Variants in ITPKB observed in about 807,000 individuals in gnomAD.
ITPKB encodes the protein inositol-trisphosphate 3-kinase B.
ITPKB carries 13 observed loss-of-function variants against 69.4 expected under a neutral mutation model. The ratio of observed to expected loss-of-function variants is 0.19; its 90% confidence interval spans 0.12 to 0.30. The LOEUF is 0.30. ITPKB is among the 10% of genes least tolerant of loss of function. The probability of loss-of-function intolerance (pLI) is 1.00; values close to 1 mark genes in which losing one functional copy is unlikely to be tolerated. For missense variants in ITPKB, 1,240 were observed against 1,250.5 expected (o/e 0.99, Z 0.13); for synonymous variants, 584 against 513.7 (o/e 1.14, Z -1.85).
At chr1:226,650,126 C>T (rs1305060926) in intron 2 of ITPKB, among the ~76,000 whole-genome samples, 3 of 152,350 alleles carry the variant, frequency 2.0e-5, no homozygotes, top group South Asian at 2.1e-4. Flanking sequence ...TGCCCCGAAG[C>T]GCCCAGCTGC....
At position 226,736,004 on chromosome 1, in the gene ITPKB, C is replaced by T. The variant is rs146213841; in HGVS notation, c.1455G>A (p.Ala485=). ...GGCACTGAGGTTCTTTCAGATCTTT[C>T]GCAGCGTCCCAACAGGGCAAAGGCT... ...MLEPLPCWDA[A]KDLKEPQCPP... is the part of the protein sequence containing the mutation. Residue 485 remains alanine (A), a synonymous_variant, in exon 2 of 8, where the codon GCG becomes GCA. Transcript: ENST00000429204. 74 of 1,613,760 alleles carry T rather than the reference C, an allele frequency of 4.6e-5. No individual in the cohort carries two copies. The African/African-American group carries it at 8.3e-4, about 18-fold the overall frequency.
At chr1:226,635,778 G>C (rs917619878) in intron 7 of ITPKB, among the ~76,000 whole-genome samples, 5 of 152,256 alleles carry the variant, frequency 3.3e-5, no homozygotes, top group African/African-American at 1.2e-4. Flanking sequence ...GCCTGGCCCA[G>C]GGATAGTGGG....
chr1:226,640,949 C>T (rs965924129), intron 5 of ITPKB, among the ~76,000 whole-genome samples: 1 of 152,182 alleles, frequency 6.6e-6, no homozygotes, highest in African/African-American at 2.4e-5. Context: ...TCAGGACCAT[C>T]GGCTGCCCAA....
chr1:226,678,627 TG>T (rs1655980638), intron 2 of ITPKB, among the ~76,000 whole-genome samples: 1 of 152,070 alleles, frequency 6.6e-6, no homozygotes. Flanking sequence ...AAATGTAAAG[TG>T]TCTAGCACTA....
At chr1:226,684,757 T>C (rs1234357887) in intron 2 of ITPKB, among the ~76,000 whole-genome samples, 1 of 152,168 alleles carries the variant, frequency 6.6e-6, no homozygotes, top group Non-Finnish European at 1.5e-5. Flanking sequence ...GGTTAAGCAG[T>C]CACTCATATA....
chr1:226,680,709 A>G (rs1656065317), intron 2 of ITPKB, among the ~76,000 whole-genome samples: 1 of 152,222 alleles, frequency 6.6e-6, no homozygotes, highest in African/African-American at 2.4e-5. Flanking sequence ...AACTCAGGAA[A>G]GTCAGATCGA....
chr1:226,728,792 G>C (rs1248051991), intron 2 of ITPKB, among the ~76,000 whole-genome samples: 3 of 152,060 alleles, frequency 2.0e-5, no homozygotes, highest in Non-Finnish European at 4.4e-5. Context: ...ATTTTTCAGA[G>C]AGCTTGCTAG....
chr1:226,676,069 G>C (rs1173005766), intron 2 of ITPKB: 1 of 152,184 alleles, frequency 6.6e-6, no homozygotes, highest in African/African-American at 2.4e-5. Context: ...CATCCTCAAT[G>C]GCTAATTTGC....
rs958309393 is a variant in ITPKB, at chr1:226,637,462, G to T, written c.2625+217C>A. On this transcript the variant is annotated intron_variant, in intron 7 of 7. Coordinates refer to ENST00000429204, the MANE Select transcript of ITPKB (RefSeq NM_002221.4). This position sits in a 1 kb window ranked among gnomAD's most constrained non-coding sequence, Gnocchi z 4.3. ...GGAAGGACAAGGGAGGAGAAAGGGG[G>T]CAATAGCCAGGGGTCTCAGGCAGGA... Among the ~76,000 whole-genome samples the T allele has an allele frequency of 4.6e-5, 7 of 152,200 alleles. No homozygotes were observed. Among genetic ancestry groups the T allele is most frequent in the African/African-American group, 1.7e-4 (7 of 41,454 alleles).
At chr1:226,678,412 C>T (rs1353880877) in intron 2 of ITPKB, among the ~76,000 whole-genome samples, 2 of 152,210 alleles carry the variant, frequency 1.3e-5, no homozygotes, top group Non-Finnish European at 2.9e-5. Flanking sequence ...CTGCAGACCT[C>T]AAATAGAGTG....
intron 2 of ITPKB, among the ~76,000 whole-genome samples, chr1:226,716,014 T>C (rs933844272): frequency 6.6e-6 from 1 of 152,236 alleles, no homozygotes; most frequent in African/African-American, 2.4e-5. Context: ...TTTTGCCAAG[T>C]TGGCCAGGCT....
intron 2 of ITPKB, among the ~76,000 whole-genome samples, chr1:226,711,405 A>AAGAGAGAGAGAGAGAG (rs59479705): frequency 2.3e-5 from 3 of 129,790 alleles, no homozygotes; most frequent in Admixed American, 1.5e-4. Flanking sequence ...GGTGTTTTGA[A>AAGAGAGAGAGAGAGAG]AGAGAGAGAG....
intron 7 of ITPKB, among the ~76,000 whole-genome samples, chr1:226,635,188 C>T (rs1247214424): frequency 6.6e-6 from 1 of 152,082 alleles, no homozygotes; most frequent in African/African-American, 2.4e-5. Flanking sequence ...TTCTTTCCTT[C>T]CTTCCTGCCT....
intron 2 of ITPKB, among the ~76,000 whole-genome samples, chr1:226,692,464 T>C (rs1264582530): frequency 6.6e-6 from 1 of 152,186 alleles, no homozygotes; most frequent in African/African-American, 2.4e-5. Context: ...AAAGTGGAAA[T>C]TATTTTTAAG....
In ITPKB at chr1:226,692,738, C is replaced by T. The variant is rs189840380; in HGVS notation, c.1932+42789G>A. On this transcript the variant is annotated intron_variant, in intron 2 of 7. Coordinates refer to ENST00000429204, the MANE Select transcript of ITPKB (RefSeq NM_002221.4). Reference sequence around the variant, plus strand: ...AATGAGAGCTGAAGGTAGCATGTCACGCAGGGGATTTATTCTTCAAATGTA... The same window carrying T: ...AATGAGAGCTGAAGGTAGCATGTCATGCAGGGGATTTATTCTTCAAATGTA... Among the ~76,000 whole-genome samples the T allele has an allele frequency of 6.6e-4, 101 of 152,268 alleles. 1 individual carries two copies. Among genetic ancestry groups the T allele is most frequent in the Admixed American group, 5.4e-3 (83 of 15,294 alleles).
chr1:226,638,558 C>T (rs928298425), intron 6 of ITPKB, among the ~76,000 whole-genome samples: 3 of 152,176 alleles, frequency 2.0e-5, no homozygotes, highest in African/African-American at 7.2e-5. Flanking sequence ...GCACTTGGGG[C>T]ACAGTGGCAC....
chr1:226,652,491 A>G (rs1486983586), intron 2 of ITPKB, among the ~76,000 whole-genome samples: 7 of 152,240 alleles, frequency 4.6e-5, no homozygotes, highest in Non-Finnish European at 8.8e-5. Flanking sequence ...AGAGGGGTTT[A>G]TCCCGTGCCC....
chr1:226,640,266 T>TCCTGGG (rs1180475513), intron 5 of ITPKB, among the ~76,000 whole-genome samples: 1 of 152,206 alleles, frequency 6.6e-6, no homozygotes, highest in African/African-American at 2.4e-5. Flanking sequence ...GTTCAGGCTG[T>TCCTGGG]CCTGGGCCCT....
intron 2 of ITPKB, among the ~76,000 whole-genome samples, chr1:226,711,442 A>AGAGAGAGAGAGAGTGT (rs1491474441): frequency 5.9e-5 from 6 of 102,292 alleles, no homozygotes; most frequent in African/African-American, 2.5e-4. Context: ...AGAGAGAGAG[A>AGAGAGAGAGAGAGTGT]GTGTGTGTGT....
Sources: gnomAD v4.1 joint callset for allele counts (sites outside exome capture counted in the v4.1 genomes callset) on GRCh38, gnomAD v4.1.1 for gene constraint, Gnocchi (gnomAD v3.1) non-coding constraint, MANE v1.5 for transcripts, NCBI Gene and HGNC (gene_info 2026-07-23, HGNC 2026-07-21) for gene names.